IZUMO2: variants seen among roughly 807,000 people sequenced by gnomAD.
IZUMO2 encodes izumo sperm-egg fusion protein 2.
In IZUMO2, 24 loss-of-function variants were observed where a neutral mutation model predicts 31.2. The ratio of observed to expected loss-of-function variants is 0.77; its 90% CI spans 0.56 to 1.08. IZUMO2 has a LOEUF of 1.08. Among genes scored for constraint, IZUMO2 ranks in the 50% least tolerant of loss-of-function variants. IZUMO2 has a pLI of 0.00. For missense variants in IZUMO2, 278 were observed against 274.0 expected (o/e 1.01, Z -0.10); for synonymous variants, 144 against 117.3 (o/e 1.23, Z -1.47).
intron 4 of IZUMO2, among the ~76,000 whole-genome samples, chr19:50,158,734 G>A (rs1218645838): frequency 6.6e-6 from 1 of 152,126 alleles, no homozygotes; most frequent in East Asian, 1.9e-4. Flanking sequence ...TTCCCAGGGT[G>A]CCTTTCAGTA....
At chr19:50,158,226 T>G (rs372663049) in intron 5 of IZUMO2, 42 bp downstream of exon 5, 1 of 1,334,806 alleles carries the variant, frequency 7.5e-7, no homozygotes, top group Non-Finnish European at 1.1e-6. Context: ...CTTCATCTCT[T>G]GCACGCCTGT....
At position 50,158,290 on chromosome 19, in the gene IZUMO2, A is replaced by G; in HGVS notation, c.474T>C (p.Cys158=). ...CLHCQRITPK[C]IHKKYCFVDR... is the part of the protein sequence containing the mutation. ...TACCAAAGCAGTACTTTTTGTGGAT[A>G]CACTTGGGAGTGATCCTCTGGCAAT... Residue 158 remains cysteine, a synonymous_variant, in exon 5 of 7, where the codon TGT becomes TGC. Coordinates refer to ENST00000293405, the MANE Select transcript of IZUMO2 (RefSeq NM_152358.3). The G allele has an allele frequency of 6.2e-7, 1 of 1,609,886 alleles. No homozygotes were observed. Among genetic ancestry groups the G allele is most frequent in the Non-Finnish European group, 8.5e-7 (1 of 1,177,806 alleles).
chr19:50,163,119 G>C lies in IZUMO2; in HGVS notation c.76C>G (p.Pro26Ala). ...PGGWGCLQCD[P>A]LVLEALGHLR... ...TGACCCAGGGCCTCCAGCACCAAGG[G>C]GTCGCACTGCAGGCAGCCCCAGCCT... Residue 26 changes from proline (P) to alanine (A), a missense_variant, in exon 1 of 7, where the codon CCC becomes GCC. Coordinates refer to ENST00000293405, the MANE Select transcript of IZUMO2 (RefSeq NM_152358.3). 6.9e-6 allele frequency: 11 copies of C among 1,605,542 alleles called. No homozygotes were observed. Among genetic ancestry groups the C allele is most frequent in the Non-Finnish European group, 9.3e-6 (11 of 1,176,542 alleles).
At chr19:50,155,876 G>A (rs1046678278) in intron 5 of IZUMO2, among the ~76,000 whole-genome samples, 1 of 152,134 alleles carries the variant, frequency 6.6e-6, no homozygotes. Flanking sequence ...CATTGTTCTA[G>A]CCACCCTACT....
At chr19:50,156,498 T>C (rs1180496085) in intron 5 of IZUMO2, among the ~76,000 whole-genome samples, 2 of 152,116 alleles carry the variant, frequency 1.3e-5, no homozygotes, top group Non-Finnish European at 1.5e-5. Flanking sequence ...CTCAAAATAT[T>C]TGTTGTCACC....
At chr19:50,162,270 G>A (rs1014513330) in intron 2 of IZUMO2, among the ~76,000 whole-genome samples, 1 of 151,756 alleles carries the variant, frequency 6.6e-6, no homozygotes, top group Non-Finnish European at 1.5e-5. Context: ...GTGACAGGGC[G>A]AGACCGTCTC....
chr19:50,162,198 G>C (rs987531046), intron 2 of IZUMO2, among the ~76,000 whole-genome samples: 14 of 152,124 alleles, frequency 9.2e-5, no homozygotes, highest in African/African-American at 3.1e-4. Flanking sequence ...CAGGAAAATC[G>C]CTTGAACCCG....
At chr19:50,158,434 T>C in intron 4 of IZUMO2, 86 bp from the exon 5 acceptor site, 1 of 824,194 alleles carries the variant, frequency 1.2e-6, no homozygotes, top group Non-Finnish European at 2.0e-6. Context: ...AAAGAGGAGA[T>C]GGGGTCCCTT....
chr19:50,155,909 C>T (rs1282932744), intron 5 of IZUMO2, among the ~76,000 whole-genome samples: 1 of 152,222 alleles, frequency 6.6e-6, no homozygotes, highest in African/African-American at 2.4e-5. Flanking sequence ...TCACTCGGCT[C>T]TGGCCACACT....
chr19:50,159,390 G>A, intron 3 of IZUMO2, 104 bp downstream of exon 3: 1 of 1,230,030 alleles, frequency 8.1e-7, no homozygotes, highest in Non-Finnish European at 1.2e-6. Flanking sequence ...AGAAGGCTGA[G>A]CTATAGGGGA....
In IZUMO2 at chr19:50,163,060, C is replaced by G. The variant is rs765595282; in HGVS notation, c.135G>C (p.Gln45His). Residue 45 changes from glutamine to histidine, a missense_variant, in exon 1 of 7, where the codon CAG becomes CAC. Physicochemically the swap from Gln to His is conservative, Grantham distance 24. Transcript: ENST00000293405. The stretch of plus-strand genomic sequence containing the variant: ...CGGCGCGCGCCTGCAGCTGCTCCAA[C>G]TGGAAGCGACTGGGGATGAGGGCGG... ...LRSALIPSRF[Q>H]LEQLQARAGA... The G allele has an allele frequency of 4.3e-6, 7 of 1,613,212 alleles. No individual in the cohort carries two copies. Among genetic ancestry groups the G allele is most frequent in the African/African-American group, 2.7e-5 (2 of 74,934 alleles).
chr19:50,154,656 CA>C lies in IZUMO2; in HGVS notation c.566del (p.Leu189TrpfsTer40), dbSNP rs1337193239. On this transcript the variant is annotated frameshift_variant, in exon 6 of 7. Coordinates refer to ENST00000293405, the MANE Select transcript of IZUMO2 (RefSeq NM_152358.3). LOFTEE classifies it high-confidence loss of function. ...CCAGAGACACAGAAATGAGGATGCC[CA>C]ACAGCGCCTGGTTCCTCGGGTATTT... The part of the protein sequence containing the change: ...DSKYPRNQAL[L>X]GILISVSLAV... The C allele has an allele frequency of 2.5e-6, 4 of 1,613,986 alleles. No homozygotes were observed. The highest frequency in any genetic ancestry group is 1.7e-6 in the Non-Finnish European group (2 of 1,179,974).
intron 6 of IZUMO2, 77 bp from the exon 7 acceptor site, chr19:50,152,728 T>A: frequency 8.3e-7 from 1 of 1,210,762 alleles, no homozygotes; most frequent in Non-Finnish European, 1.2e-6. Context: ...ATAACTTCCC[T>A]CCCCATAACT....
At chr19:50,161,262 T>A (rs900357731) in intron 2 of IZUMO2, among the ~76,000 whole-genome samples, 1 of 151,886 alleles carries the variant, frequency 6.6e-6, no homozygotes, top group South Asian at 2.1e-4. Context: ...GTAGCTGGGA[T>A]TACAGGAGTG....
chr19:50,158,801 T>G (rs1293918833), intron 4 of IZUMO2, among the ~76,000 whole-genome samples: 2 of 152,136 alleles, frequency 1.3e-5, no homozygotes, highest in African/African-American at 4.8e-5. Flanking sequence ...ATCATGTGTG[T>G]CCCTTCCAGG....
At chr19:50,154,506 C>T in intron 6 of IZUMO2, 94 bp downstream of exon 6, 1 of 1,300,440 alleles carries the variant, frequency 7.7e-7, no homozygotes, top group South Asian at 1.3e-5. Context: ...GAGGAGACTC[C>T]CAAAGTACAC....
intron 2 of IZUMO2, among the ~76,000 whole-genome samples, chr19:50,161,126 CTT>C (rs398040395): frequency 1.8e-4 from 25 of 139,638 alleles, no homozygotes; most frequent in Non-Finnish European, 1.7e-4. Context: ...TTTCCTTTTT[CTT>C]TTTTTTTTTT....
chr19:50,160,237 AGCCACTAGCCAC>A (rs2030352335), intron 2 of IZUMO2: 1 of 152,224 alleles, frequency 6.6e-6, no homozygotes, highest in Non-Finnish European at 1.5e-5. Flanking sequence ...CCAGTGTGGT[AGCCACTAGCCAC>A]ACATGGCTAC....
chr19:50,159,649 C>A (rs1241788737), intron 2 of IZUMO2, 69 bp from the exon 3 acceptor site: 1 of 887,850 alleles, frequency 1.1e-6, no homozygotes, highest in Non-Finnish European at 1.9e-6. Context: ...CCTGAAGCTT[C>A]CAGGAGAAGA....
Sources: gnomAD v4.1 joint callset for allele counts (sites outside exome capture counted in the v4.1 genomes callset) on GRCh38, gnomAD v4.1.1 for gene constraint, MANE v1.5 for transcripts, NCBI Gene and HGNC (gene_info 2026-07-23, HGNC 2026-07-21) for gene names.